DDX19A: variants seen among roughly 807,000 people sequenced by gnomAD.
DDX19A encodes the protein DEAD-box helicase 19A, also known as ATP-dependent RNA helicase DDX19A.
A neutral mutation model predicts 60.6 loss-of-function variants in DDX19A; 12 were observed. The ratio of observed to expected loss-of-function variants is 0.20; its 90% CI spans 0.13 to 0.32. The LOEUF (loss-of-function observed/expected upper bound fraction) is 0.32, where lower values mean the gene tolerates loss of function less well. DDX19A is among the 10% of genes least tolerant of loss of function. The pLI is 1.00. For missense variants in DDX19A, 337 were observed against 600.6 expected (o/e 0.56, Z 4.59); for synonymous variants, 206 against 218.2 (o/e 0.94, Z 0.49).
chr16:70,365,236 C>T (rs1297869501), intron 7 of DDX19A, 105 bp downstream of exon 7: 1 of 719,524 alleles, frequency 1.4e-6, no homozygotes, highest in East Asian at 2.6e-5. Flanking sequence ...CAGTCTGACC[C>T]TGGAGCCTAA....
chr16:70,361,780 T>A (rs1322465387), intron 5 of DDX19A: 2 of 317,998 alleles, frequency 6.3e-6, no homozygotes, highest in Non-Finnish European at 1.2e-5. Context: ...CTCACTCCTG[T>A]AATCCTAGCA....
At chr16:70,350,998 C>T (rs1963995580) in intron 2 of DDX19A, among the ~76,000 whole-genome samples, 1 of 151,258 alleles carries the variant, frequency 6.6e-6, no homozygotes. Context: ...CCTGCCTCAG[C>T]CTCCCGAGTA....
intron 5 of DDX19A, 80 bp from the exon 6 acceptor site, chr16:70,364,463 C>T (rs1485653420): frequency 1.0e-5 from 11 of 1,076,584 alleles, no homozygotes; most frequent in Admixed American, 1.8e-5. Flanking sequence ...GGGAAATATG[C>T]CTTTCATTCA....
At chr16:70,352,241 T>C (rs1016730678) in intron 2 of DDX19A, among the ~76,000 whole-genome samples, 1 of 152,118 alleles carries the variant, frequency 6.6e-6, no homozygotes, top group African/African-American at 2.4e-5. Context: ...ACAGTATCCC[T>C]TGGCAAACTT....
chr16:70,366,334 C>T lies in DDX19A; in HGVS notation c.782+72C>T. 6 of 1,595,816 alleles carry T rather than the reference C, an allele frequency of 3.8e-6. No individual in the cohort carries two copies. The South Asian group carries it at 6.7e-5, about 18-fold the overall frequency. ...TGTCTTCTCCCTTCACTTCAGACGC[C>T]TCCTCTGGCTTCTGCCTGGGTCTTG... is the stretch of plus-strand genomic sequence containing the variant. On this transcript the variant is annotated intron_variant, in intron 8 of 11. Coordinates refer to ENST00000302243, the MANE Select transcript of DDX19A (RefSeq NM_018332.5).
In DDX19A at chr16:70,373,079, A is replaced by G. The variant is rs1270378924; in HGVS notation, c.*1093A>G. On this transcript the variant is annotated 3_prime_UTR_variant, in exon 12 of 12. Coordinates refer to ENST00000302243, the MANE Select transcript of DDX19A (RefSeq NM_018332.5). Reference sequence around the variant, plus strand: ...GAAACCCCGTCTCTACCAAAAATAGAAAAAAATATAGCCGGGCCTGGTGGC... The same window carrying G: ...GAAACCCCGTCTCTACCAAAAATAGGAAAAAATATAGCCGGGCCTGGTGGC... 6.6e-6 allele frequency: 1 copy of G among 152,030 alleles called. No homozygotes were observed. The highest frequency in any genetic ancestry group is 2.4e-5 in the African/African-American group (1 of 41,352). 9.4% of individuals were successfully genotyped at this position (152,030 alleles called of 1,614,324 possible).
At chr16:70,354,142 G>A (rs1964114958) in intron 2 of DDX19A, among the ~76,000 whole-genome samples, 1 of 151,378 alleles carries the variant, frequency 6.6e-6, no homozygotes, top group Non-Finnish European at 1.5e-5. Flanking sequence ...ATATTTCTGG[G>A]GTTTTTTTTT....
chr16:70,366,977 G>A (rs1964539016), intron 9 of DDX19A, 116 bp downstream of exon 9: 30 of 1,229,648 alleles, frequency 2.4e-5, no homozygotes, highest in Non-Finnish European at 3.4e-5. Context: ...GCTTTTTGAA[G>A]ATGTAAGAGA....
intron 6 of DDX19A, 178 bp from the exon 7 acceptor site, chr16:70,364,832 GCAAAGGC>G: frequency 1.5e-6 from 1 of 668,720 alleles, no homozygotes; most frequent in Non-Finnish European, 2.6e-6. Flanking sequence ...ACCATGGCTT[GCAAAGGC>G]CTCTGCCAAG....
At chr16:70,353,152 A>G (rs1207937846) in intron 2 of DDX19A, among the ~76,000 whole-genome samples, 6 of 130,910 alleles carry the variant, frequency 4.6e-5, no homozygotes, top group African/African-American at 2.2e-4. Context: ...TTTGAGATGG[A>G]TTCTCTGTTG....
In DDX19A at chr16:70,366,150, T is replaced by G. The variant is rs1334334210; in HGVS notation, c.670T>G (p.Cys224Gly). The change falls in exon 8 of 12, where the codon TGC (cysteine) becomes GGC (glycine). Residue 224 changes from cysteine to glycine, a missense_variant. Coordinates refer to ENST00000302243, the MANE Select transcript of DDX19A (RefSeq NM_018332.5). ...CACCCCTGGGACCGTGCTGGACTGG[T>G]GCTCCAAGCTCAAGTTCATTGATCC... ...IGTPGTVLDW[C>G]SKLKFIDPKK... 1 of 1,614,018 alleles carries G rather than the reference T, an allele frequency of 6.2e-7. No individual in the cohort carries two copies. The highest frequency in any genetic ancestry group is 1.3e-5 in the African/African-American group (1 of 74,906).
At chr16:70,358,778 C>T (rs1272575699) in intron 4 of DDX19A, among the ~76,000 whole-genome samples, 1 of 152,066 alleles carries the variant, frequency 6.6e-6, no homozygotes, top group East Asian at 1.9e-4. Flanking sequence ...ACCCAGGAGG[C>T]GGAGGTTGCA....
chr16:70,356,956 A>AG, intron 4 of DDX19A: 1 of 1,070,024 alleles, frequency 9.3e-7, no homozygotes. Context: ...TTTACAAAAA[A>AG]AAAAAAAAAA....
chr16:70,355,975 G>A (rs1394159991), intron 3 of DDX19A, 137 bp from the exon 4 acceptor site: 26 of 1,091,506 alleles, frequency 2.4e-5, no homozygotes, highest in African/African-American at 1.6e-5. Flanking sequence ...TAAATAAATA[G>A]AGACCTATCA....
At position 70,372,620 on chromosome 16, in the gene DDX19A, T is replaced by G. The variant is rs2151649027; in HGVS notation, c.*634T>G. ...TCGGCTACTTTTGTAAACTTCAGAT[T>G]TGGAGAGAAACACGAAAGTCTGAAT... On this transcript the variant is annotated 3_prime_UTR_variant, in exon 12 of 12. Coordinates refer to ENST00000302243, the MANE Select transcript of DDX19A (RefSeq NM_018332.5). The G allele has an allele frequency of 6.5e-6, 1 of 153,776 alleles. No individual in the cohort carries two copies. Among genetic ancestry groups the G allele is most frequent in the Non-Finnish European group, 1.4e-5 (1 of 69,212 alleles). 9.5% of individuals were successfully genotyped at this position (153,776 alleles called of 1,614,324 possible). A position where few individuals can be genotyped will look rare whatever the true frequency, so the allele number is the denominator to read the frequency against.
At chr16:70,367,005 G>A (rs1964539646) in intron 9 of DDX19A, 144 bp downstream of exon 9, 1 of 963,082 alleles carries the variant, frequency 1.0e-6, no homozygotes, top group Non-Finnish European at 1.6e-6. Flanking sequence ...TCCTTTAGTG[G>A]GGGTAATGGT....
intron 1 of DDX19A, among the ~76,000 whole-genome samples, chr16:70,349,811 T>C (rs1963958216): frequency 2.0e-5 from 3 of 152,214 alleles, no homozygotes; most frequent in South Asian, 2.1e-4. Flanking sequence ...ATCACAAATA[T>C]AGGCCTAAAC....
At position 70,367,534 on chromosome 16, in the gene DDX19A, G is replaced by GA. The variant is rs199852777; in HGVS notation, c.1020+679dup. Among the ~76,000 whole-genome samples, 1,217 of 152,020 alleles carry GA rather than the reference G, an allele frequency of 8.0e-3. 19 individuals are homozygous for GA. The highest frequency in any genetic ancestry group is 0.028 in the African/African-American group (1,149 of 41,484). On this transcript the variant is annotated intron_variant, in intron 9 of 11. Transcript: ENST00000302243. ...GGAAGCATAGATCTCATTGATAATA[G>GA]AAAAAATAAATATTTAAGATCTCTG...
chr16:70,354,406 C>CA (rs1291448415), intron 2 of DDX19A, among the ~76,000 whole-genome samples: 1 of 152,204 alleles, frequency 6.6e-6, no homozygotes. Context: ...CTCAGCCTCC[C>CA]AAAGTGCTGG....
Sources: allele counts gnomAD v4.1 joint callset (sites outside exome capture counted in the v4.1 genomes callset), GRCh38; gene constraint gnomAD v4.1.1; transcripts MANE v1.5; gene names NCBI Gene and HGNC (gene_info 2026-07-23, HGNC 2026-07-21).